ARHGAP26: variants seen among roughly 807,000 people sequenced by gnomAD.
ARHGAP26 encodes rho GTPase-activating protein 26.
In ARHGAP26, 38 loss-of-function variants were observed where a neutral mutation model predicts 104.8. The ratio of observed to expected loss-of-function variants is 0.36; its 90% CI spans 0.28 to 0.48. ARHGAP26 has a LOEUF of 0.48. Ranked by LOEUF, ARHGAP26 falls within the 20% of genes least tolerant of loss-of-function variation. The probability of loss-of-function intolerance (pLI) is 0.99; values close to 1 mark genes in which losing one functional copy is unlikely to be tolerated. For synonymous variants in ARHGAP26, 341 were observed against 340.0 expected (o/e 1.00, Z -0.03); for missense variants, 704 against 947.9 (o/e 0.74, Z 3.38).
At chr5:142,989,389 TC>T (rs1775263764) in intron 11 of ARHGAP26, among the ~76,000 whole-genome samples, 3 of 151,904 alleles carry the variant, frequency 2.0e-5, no homozygotes, top group African/African-American at 7.3e-5. Flanking sequence ...GTGATGGGTC[TC>T]CTGAATACAG....
chr5:142,841,379 A>G (rs1489838103), intron 1 of ARHGAP26, among the ~76,000 whole-genome samples: 1 of 152,204 alleles, frequency 6.6e-6, no homozygotes, highest in African/African-American at 2.4e-5. Context: ...CTAGACTGGA[A>G]GATATATTAG....
chr5:142,955,806 G>A (rs946416447), intron 11 of ARHGAP26, among the ~76,000 whole-genome samples: 2 of 152,160 alleles, frequency 1.3e-5, no homozygotes, highest in Admixed American at 1.3e-4. Flanking sequence ...GGCCTCTTTG[G>A]CCAGGGTGCA....
At chr5:142,964,010 A>G (rs1170736834) in intron 11 of ARHGAP26, among the ~76,000 whole-genome samples, 1 of 152,230 alleles carries the variant, frequency 6.6e-6, no homozygotes, top group Non-Finnish European at 1.5e-5. Context: ...GATCAATGGG[A>G]AATCAAGATA....
intron 6 of ARHGAP26, 146 bp downstream of exon 6, chr5:142,894,494 A>G (rs1759184727): frequency 4.2e-6 from 3 of 714,552 alleles, no homozygotes; most frequent in African/African-American, 1.8e-5. Flanking sequence ...GTGCTTTGCG[A>G]GCCTGGCTGC....
chr5:143,185,860 C>T (rs1457300775), intron 20 of ARHGAP26, among the ~76,000 whole-genome samples: 1 of 152,220 alleles, frequency 6.6e-6, no homozygotes, highest in Admixed American at 6.5e-5. Context: ...TCTGCCTGCA[C>T]TACCCCTCCC....
chr5:143,095,736 C>T (rs1470478783), intron 17 of ARHGAP26, among the ~76,000 whole-genome samples: 1 of 152,190 alleles, frequency 6.6e-6, no homozygotes, highest in Non-Finnish European at 1.5e-5. Flanking sequence ...CCATGCCCAG[C>T]TAATTTTTGT....
chr5:143,147,135 G>T, intron 19 of ARHGAP26, 96 bp from the exon 20 acceptor site: 1 of 1,354,488 alleles, frequency 7.4e-7, no homozygotes, highest in Non-Finnish European at 1.0e-6. Context: ...CAGAGATCTT[G>T]ATCCAGTCTT....
chr5:143,156,049 T>G (rs908785004), intron 20 of ARHGAP26, among the ~76,000 whole-genome samples: 16 of 152,236 alleles, frequency 1.1e-4, no homozygotes, highest in African/African-American at 3.9e-4. Flanking sequence ...TCGCATGGCT[T>G]TTTCAACATT....
At chr5:142,896,955 T>A (rs1759556288) in intron 6 of ARHGAP26, among the ~76,000 whole-genome samples, 1 of 152,214 alleles carries the variant, frequency 6.6e-6, no homozygotes, top group Non-Finnish European at 1.5e-5. Flanking sequence ...ATTTTTTATT[T>A]ATGAGCAAAC....
intron 20 of ARHGAP26, among the ~76,000 whole-genome samples, chr5:143,186,363 A>G (rs147024489): frequency 5.9e-5 from 9 of 152,114 alleles, no homozygotes; most frequent in African/African-American, 2.2e-4. Context: ...TCCCCACTCC[A>G]TCTCCACATG....
intron 11 of ARHGAP26, among the ~76,000 whole-genome samples, chr5:142,969,771 A>G (rs947422344): frequency 3.3e-5 from 5 of 152,092 alleles, no homozygotes; most frequent in Admixed American, 2.0e-4. Context: ...TCAGTGTATC[A>G]CGGCCCCTGA....
chr5:143,107,952 C>A (rs1308732974), intron 17 of ARHGAP26, among the ~76,000 whole-genome samples: 1 of 152,176 alleles, frequency 6.6e-6, no homozygotes, highest in African/African-American at 2.4e-5. Context: ...CCTGACAAAT[C>A]TATTTTTGTG....
chr5:143,116,861 C>T (rs902417073), intron 17 of ARHGAP26, among the ~76,000 whole-genome samples: 3 of 152,196 alleles, frequency 2.0e-5, no homozygotes, highest in African/African-American at 7.2e-5. Context: ...GTACCTATAC[C>T]TCCCTACCCC....
At chr5:142,780,134 C>A (rs749693762) in intron 1 of ARHGAP26, among the ~76,000 whole-genome samples, 26 of 151,664 alleles carry the variant, frequency 1.7e-4, no homozygotes, top group Non-Finnish European at 3.5e-4. Flanking sequence ...TGCTGTTTTA[C>A]CCTTTGCTTT....
chr5:143,069,831 A>G (rs772540090), intron 17 of ARHGAP26, among the ~76,000 whole-genome samples: 3 of 152,218 alleles, frequency 2.0e-5, no homozygotes, highest in Non-Finnish European at 4.4e-5. Context: ...GGAAGATAAG[A>G]CCATCATCAT....
At chr5:143,213,831 T>A (rs1375943452) in intron 21 of ARHGAP26, among the ~76,000 whole-genome samples, 166 bp from the exon 22 acceptor site, 1 of 152,180 alleles carries the variant, frequency 6.6e-6, no homozygotes, top group Admixed American at 6.5e-5. Context: ...TCCTGTGATC[T>A]TTGCAGCTTT....
intron 20 of ARHGAP26, among the ~76,000 whole-genome samples, chr5:143,167,084 G>T (rs1326415199): frequency 6.6e-6 from 1 of 152,088 alleles, no homozygotes; most frequent in African/African-American, 2.4e-5. Context: ...AGACAGTATT[G>T]ATTTTTATAA....
intron 19 of ARHGAP26, among the ~76,000 whole-genome samples, chr5:143,137,589 G>A (rs1031840689): frequency 1.3e-5 from 2 of 152,182 alleles, no homozygotes; most frequent in Admixed American, 1.3e-4. Context: ...CTTGCCCTGC[G>A]ATCATTTTCA....
intron 11 of ARHGAP26, among the ~76,000 whole-genome samples, chr5:142,993,314 C>T (rs1030931393): frequency 1.2e-4 from 19 of 152,054 alleles, no homozygotes; most frequent in African/African-American, 3.9e-4. Flanking sequence ...GGACTACAGG[C>T]GCCCGCCACC....
Sources: allele counts gnomAD v4.1 joint callset (sites outside exome capture counted in the v4.1 genomes callset), GRCh38; gene constraint gnomAD v4.1.1; transcripts MANE v1.5; gene names NCBI Gene and HGNC (gene_info 2026-07-23, HGNC 2026-07-21).